ZMIZ1: variants seen among roughly 807,000 people sequenced by gnomAD.
The protein encoded by ZMIZ1 is zinc finger MIZ-type containing 1.
ZMIZ1 carries 17 observed loss-of-function variants against 113.9 expected under a neutral mutation model. That is an observed-to-expected ratio of 0.15 (90% CI 0.10 to 0.22). The LOEUF (loss-of-function observed/expected upper bound fraction) is 0.22. Ranked by LOEUF, ZMIZ1 falls within the 10% of genes least tolerant of loss-of-function variation. The pLI, the probability that ZMIZ1 is intolerant of heterozygous loss-of-function variation, is 1.00. For missense variants in ZMIZ1, 1,059 were observed against 1,477.8 expected (o/e 0.72, Z 4.65); for synonymous variants, 607 against 603.1 (o/e 1.01, Z -0.09).
At chr10:79,198,031 G>A (rs1025844324) in intron 4 of ZMIZ1, among the ~76,000 whole-genome samples, 1 of 152,134 alleles carries the variant, frequency 6.6e-6, no homozygotes, top group African/African-American at 2.4e-5. Flanking sequence ...AGGCTGAGAT[G>A]GGTGGATCAC....
At chr10:79,167,629 G>A (rs778975219) in intron 4 of ZMIZ1, among the ~76,000 whole-genome samples, 3 of 152,098 alleles carry the variant, frequency 2.0e-5, no homozygotes, top group African/African-American at 4.8e-5. Context: ...CCCCCACACC[G>A]CCCACAGTAG....
intron 2 of ZMIZ1, among the ~76,000 whole-genome samples, chr10:79,119,288 C>G (rs1359476046): frequency 6.6e-6 from 1 of 152,184 alleles, no homozygotes; most frequent in Non-Finnish European, 1.5e-5. Flanking sequence ...CCTTGGGTAG[C>G]CCTTTCCTTC....
chr10:79,075,509 C>A (rs1214997968), intron 1 of ZMIZ1, among the ~76,000 whole-genome samples: 1 of 152,180 alleles, frequency 6.6e-6, no homozygotes, highest in Non-Finnish European at 1.5e-5. Flanking sequence ...TTGGCAGTTA[C>A]CTGTCTTATA....
rs141098570 is a variant in ZMIZ1, at chr10:79,184,184, G to A, written c.-49-17400G>A. Among the ~76,000 whole-genome samples, 937 of 152,298 alleles carry A rather than the reference G, an allele frequency of 6.2e-3. 7 individuals carry two copies. The highest frequency in any genetic ancestry group is 0.024 in the Middle Eastern group (7 of 294). On this transcript the variant is annotated intron_variant, in intron 4 of 24. Coordinates refer to ENST00000334512, the MANE Select transcript of ZMIZ1 (RefSeq NM_020338.4). Reference sequence around the variant, plus strand: ...TTAGAAGAAAAGGGGAGGTTCTGGGGAGGTGAGCAGAGGGGAGGATTCCAG... The same window carrying A: ...TTAGAAGAAAAGGGGAGGTTCTGGGAAGGTGAGCAGAGGGGAGGATTCCAG...
At chr10:79,150,348 GGGCCGCCCTGCCTCT>G (rs1314611020) in intron 3 of ZMIZ1, among the ~76,000 whole-genome samples, 1 of 152,236 alleles carries the variant, frequency 6.6e-6, no homozygotes, top group Non-Finnish European at 1.5e-5. Flanking sequence ...GCCCGACCTC[GGGCCGCCCTGCCTCT>G]GGCCTGCGCT....
intron 2 of ZMIZ1, among the ~76,000 whole-genome samples, chr10:79,137,836 G>C (rs1359118176): frequency 2.0e-5 from 3 of 150,436 alleles, no homozygotes; most frequent in Non-Finnish European, 4.4e-5. Context: ...TGGGGGGGGG[G>C]TGCTCCTAGG....
At chr10:79,132,703 T>G (rs906988836) in intron 2 of ZMIZ1, among the ~76,000 whole-genome samples, 1 of 152,192 alleles carries the variant, frequency 6.6e-6, no homozygotes, top group Non-Finnish European at 1.5e-5. Flanking sequence ...GGTTTGGGTC[T>G]GGGAGAAGGC....
chr10:79,207,427 C>T (rs1291782568), intron 5 of ZMIZ1, among the ~76,000 whole-genome samples: 1 of 152,224 alleles, frequency 6.6e-6, no homozygotes, highest in African/African-American at 2.4e-5. Context: ...CTTTTGTCTC[C>T]TGGACTCAGT....
At chr10:79,132,409 A>C (rs1242305347) in intron 2 of ZMIZ1, among the ~76,000 whole-genome samples, 1 of 152,290 alleles carries the variant, frequency 6.6e-6, no homozygotes, top group Middle Eastern at 3.4e-3. Context: ...GTCTCCACTC[A>C]GCTGCTGCCT....
At chr10:79,184,057 G>C (rs1396617310) in intron 4 of ZMIZ1, among the ~76,000 whole-genome samples, 3 of 152,204 alleles carry the variant, frequency 2.0e-5, no homozygotes, top group Non-Finnish European at 4.4e-5. Flanking sequence ...GCGTTGCCTC[G>C]GTGCCTTGAG....
intron 4 of ZMIZ1, among the ~76,000 whole-genome samples, chr10:79,181,163 G>A (rs969308755): frequency 6.6e-6 from 1 of 152,166 alleles, no homozygotes; most frequent in Non-Finnish European, 1.5e-5. Flanking sequence ...GCAGGCTTGG[G>A]CAGGAGCAGG....
intron 1 of ZMIZ1, among the ~76,000 whole-genome samples, chr10:79,113,884 T>A (rs990488362): frequency 1.3e-5 from 2 of 152,148 alleles, no homozygotes; most frequent in African/African-American, 2.4e-5. Context: ...TTTTTCTTTG[T>A]GGGTCCTACA....
chr10:79,149,037 C>T (rs932927379), intron 3 of ZMIZ1, among the ~76,000 whole-genome samples: 1 of 152,204 alleles, frequency 6.6e-6, no homozygotes, highest in African/African-American at 2.4e-5. Context: ...GCTGACCCAC[C>T]TTCTCACCAC....
chr10:79,204,494 T>C (rs1848230516), intron 5 of ZMIZ1, among the ~76,000 whole-genome samples: 1 of 152,158 alleles, frequency 6.6e-6, no homozygotes, highest in African/African-American at 2.4e-5. Flanking sequence ...CTGTACCCCA[T>C]CCCTGAGCTT....
chr10:79,196,133 G>T (rs1847822868), intron 4 of ZMIZ1, among the ~76,000 whole-genome samples: 1 of 152,124 alleles, frequency 6.6e-6, no homozygotes, highest in Admixed American at 6.5e-5. Flanking sequence ...GTTAGTAACC[G>T]CAGTTCTCCA....
chr10:79,296,429 A>C lies in ZMIZ1; in HGVS notation c.1231-42A>C. 1 of 1,608,344 alleles carries C rather than the reference A, an allele frequency of 6.2e-7. No individual in the cohort carries two copies. Among genetic ancestry groups the C allele is most frequent in the African/African-American group, 1.3e-5 (1 of 74,792 alleles). ...GGTGACCTGGCTATGTGACGTTGGCAACATTGAACGTGTTTCCCCTCTCCT... is the reference window on the plus strand; with the variant it reads ...GGTGACCTGGCTATGTGACGTTGGCCACATTGAACGTGTTTCCCCTCTCCT... On this transcript the variant is annotated intron_variant, in intron 12 of 24. Coordinates refer to ENST00000334512, the MANE Select transcript of ZMIZ1 (RefSeq NM_020338.4). This position sits in a 1 kb window ranked among gnomAD's most constrained non-coding sequence, Gnocchi z 4.1.
chr10:79,106,109 C>T (rs1335124041), intron 1 of ZMIZ1, among the ~76,000 whole-genome samples: 2 of 152,240 alleles, frequency 1.3e-5, no homozygotes, highest in Non-Finnish European at 2.9e-5. Flanking sequence ...GGCCAAGAAG[C>T]TGGGATTCTG....
At chr10:79,146,825 G>T (rs1447830938) in intron 3 of ZMIZ1, among the ~76,000 whole-genome samples, 1 of 152,192 alleles carries the variant, frequency 6.6e-6, no homozygotes, top group Non-Finnish European at 1.5e-5. Flanking sequence ...GAAAACAAGT[G>T]CTTGGGGAGG....
At chr10:79,152,236 C>T (rs1002201886) in intron 3 of ZMIZ1, among the ~76,000 whole-genome samples, 1 of 152,250 alleles carries the variant, frequency 6.6e-6, no homozygotes, top group Non-Finnish European at 1.5e-5. Flanking sequence ...CAGTGGCTCA[C>T]ACCTGTAATC....
Sources: allele counts gnomAD v4.1 joint callset (sites outside exome capture counted in the v4.1 genomes callset), GRCh38; gene constraint gnomAD v4.1.1; non-coding constraint Gnocchi (gnomAD v3.1); transcripts MANE v1.5; gene names NCBI Gene and HGNC (gene_info 2026-07-23, HGNC 2026-07-21).